The following XKRX variants were observed in gnomAD, a reference collection of about 807,000 sequenced individuals.
XKRX encodes the protein XK related X-linked.
In XKRX, 11 loss-of-function variants were observed where a neutral mutation model predicts 22.4. The ratio of observed to expected loss-of-function variants is 0.49; its 90% CI spans 0.31 to 0.81. XKRX has a LOEUF of 0.81. Ranked by LOEUF, XKRX falls within the 40% of genes least tolerant of loss-of-function variation. The probability of loss-of-function intolerance (pLI) is 0.05; values close to 1 mark genes in which losing one functional copy is unlikely to be tolerated. For missense variants in XKRX, 320 were observed against 336.5 expected, an observed-to-expected ratio of 0.95 and a Z score of 0.38; for synonymous variants, 114 against 132.2, an observed-to-expected ratio of 0.86 and a Z score of 0.94.
the XKRX span, chrX:100,887,719 G>C: frequency 1.4e-6 from 1 of 704,113 alleles, no homozygotes; most frequent in Non-Finnish European, 2.3e-6. Context: ...CAAAGTATTG[G>C]CCTCCGCCAC....
At chrX:100,911,079 T>A, downstream of XKRX, 1 of 562,853 alleles carries the variant, frequency 1.8e-6, no homozygotes, top group Non-Finnish European at 3.2e-6. Context: ...CTGCCTGAAG[T>A]ATGTGCCCAA....
the XKRX span, among the ~76,000 whole-genome samples, chrX:100,902,200 T>C: frequency 3.6e-5 from 4 of 111,605 alleles, no homozygotes; most frequent in Non-Finnish European, 7.5e-5. Context: ...AGAATAAGTC[T>C]AGAAATTAAA....
At chrX:100,907,806 C>T in the XKRX span, among the ~76,000 whole-genome samples, 2 of 111,870 alleles carry the variant, frequency 1.8e-5, no homozygotes, top group Admixed American at 9.5e-5. Flanking sequence ...ACATCAATAT[C>T]TTACACTCAT....
At chrX:100,956,040 G>T in the XKRX span, among the ~76,000 whole-genome samples, 1 of 111,868 alleles carries the variant, frequency 8.9e-6, no homozygotes, top group Non-Finnish European at 1.9e-5. Context: ...AAAGGAATGA[G>T]ATCATGTCCT....
chrX:100,952,004 G>GA, the XKRX span, among the ~76,000 whole-genome samples: 1 of 110,479 alleles, frequency 9.1e-6, no homozygotes, highest in African/African-American at 3.3e-5. Flanking sequence ...ATTTTTGCCA[G>GA]AAAAAGGGAG....
chrX:100,909,221 A>C (rs919681297), downstream of XKRX, among the ~76,000 whole-genome samples: 6 of 112,146 alleles, frequency 5.4e-5, no homozygotes, highest in South Asian at 7.4e-4. Context: ...TCACTATCCC[A>C]GTACGAATCT....
chrX:100,927,853 G>A, intron 1 of XKRX, 117 bp downstream of exon 1: 3 of 922,428 alleles, frequency 3.3e-6, no homozygotes, highest in Non-Finnish European at 4.4e-6. Context: ...CCGAGAGTGG[G>A]AGGAAATGAG....
the XKRX span, among the ~76,000 whole-genome samples, chrX:100,940,619 C>A: frequency 2.2e-3 from 241 of 111,863 alleles, 1 homozygote; most frequent in Middle Eastern, 4.6e-3. Context: ...GGGCTCCTTT[C>A]TGTCTATCTA....
the XKRX span, among the ~76,000 whole-genome samples, chrX:100,948,077 A>AT: frequency 9.4e-4 from 43 of 45,631 alleles, no homozygotes; most frequent in African/African-American, 2.2e-3. Flanking sequence ...TAATTTTTGT[A>AT]TTTTTTTTTT....
chrX:100,917,722 G>GAAAGAAATAAATAAAT lies in XKRX; in HGVS notation c.605-2640_605-2639insATTTATTTATTTCTTT, dbSNP rs772047288. 4.8e-4 allele frequency among the ~76,000 whole-genome samples: 36 copies of GAAAGAAATAAATAAAT among 74,979 alleles called. 1 individual carries two copies. Among genetic ancestry groups the GAAAGAAATAAATAAAT allele is most frequent in the Non-Finnish European group, 9.7e-4 (32 of 32,943 alleles). The allele number at this position is 74,979 out of a possible 115,157, so 65.1% of individuals were successfully genotyped here. On this transcript the variant is annotated intron_variant, in intron 2 of 2. Coordinates refer to ENST00000372956, the MANE Select transcript of XKRX (RefSeq NM_212559.3). ...AGAAAGAAAGAAAGAAAGAAAGAAA[G>GAAAGAAATAAATAAAT]AAATCCTTGGTTCAGCTGTATGGGA...
At chrX:100,929,987 C>T (rs2085515708), upstream of XKRX, among the ~76,000 whole-genome samples, 1 of 111,167 alleles carries the variant, frequency 9.0e-6, no homozygotes, top group Non-Finnish European at 1.9e-5. Flanking sequence ...CATCTGCCTC[C>T]TGGTAATAAT....
At chrX:100,888,471 T>A in the XKRX span, 1 of 980,961 alleles carries the variant, frequency 1.0e-6, no homozygotes, top group Admixed American at 2.2e-5. Context: ...GCACAGTCTG[T>A]GAGCATTCCC....
chrX:100,887,095 T>A, the XKRX span, among the ~76,000 whole-genome samples: 1 of 112,037 alleles, frequency 8.9e-6, no homozygotes, highest in Non-Finnish European at 1.9e-5. Context: ...GGGTAGTCCC[T>A]TTTAATGGTG....
the XKRX span, among the ~76,000 whole-genome samples, chrX:100,950,183 A>AC: frequency 1.3e-3 from 148 of 111,926 alleles, no homozygotes; most frequent in African/African-American, 4.5e-3. Flanking sequence ...AAATAGAAAG[A>AC]CTAGGGGGCT....
chrX:100,930,301 A>AATG (rs2085516752), upstream of XKRX, among the ~76,000 whole-genome samples: 1 of 90,248 alleles, frequency 1.1e-5, no homozygotes, highest in African/African-American at 4.4e-5. Flanking sequence ...TAATAATAAT[A>AATG]ATAATAATAA....
the XKRX span, among the ~76,000 whole-genome samples, chrX:100,890,898 T>G: frequency 8.9e-6 from 1 of 112,151 alleles, no homozygotes; most frequent in Non-Finnish European, 1.9e-5. Context: ...AATGAAATAT[T>G]ATTTCTTACA....
chrX:100,951,394 C>T, the XKRX span, among the ~76,000 whole-genome samples: 2 of 95,422 alleles, frequency 2.1e-5, no homozygotes, highest in South Asian at 1.1e-3. Context: ...TGTACATGTA[C>T]CCCCGATTCT....
chrX:100,928,825 A>G lies in XKRX; in HGVS notation c.-521T>C. 2 of 756,581 alleles carry G rather than the reference A, an allele frequency of 2.6e-6. No homozygotes were observed. Among genetic ancestry groups the G allele is most frequent in the Non-Finnish European group, 3.1e-6 (2 of 641,073 alleles). 62.4% of individuals were successfully genotyped at this position (756,581 alleles called of 1,213,427 possible). On this transcript the variant is annotated 5_prime_UTR_variant, in exon 1 of 3. Coordinates refer to ENST00000372956, the MANE Select transcript of XKRX (RefSeq NM_212559.3). ...GCGGGCGCAGAAGAAGGAGGGCAGA[A>G]GAGGGGATTCAGTTCAGTGCCTAGG...
chrX:100,932,291 C>G (rs981924970), upstream of XKRX, among the ~76,000 whole-genome samples: 3 of 111,443 alleles, frequency 2.7e-5, no homozygotes, highest in Non-Finnish European at 5.6e-5. Flanking sequence ...CTTCTTGGGA[C>G]TAAAGATGCT....
Sources: gnomAD v4.1 joint callset for allele counts (sites outside exome capture counted in the v4.1 genomes callset) on GRCh38, gnomAD v4.1.1 for gene constraint, MANE v1.5 for transcripts, NCBI Gene and HGNC (gene_info 2026-07-23, HGNC 2026-07-21) for gene names.